Variants in PTPRG observed in about 807,000 individuals in gnomAD.
The protein encoded by PTPRG is protein tyrosine phosphatase receptor type G, also known as receptor-type tyrosine-protein phosphatase gamma.
PTPRG carries 102 observed loss-of-function variants against 165.3 expected under a neutral mutation model. The ratio of observed to expected loss-of-function variants is 0.62; its 90% CI spans 0.53 to 0.73. The LOEUF (loss-of-function observed/expected upper bound fraction) is 0.73, where lower values mean the gene tolerates loss of function less well. PTPRG is among the 30% of genes least tolerant of loss of function. The pLI is 0.00. For missense variants in PTPRG, 1,866 were observed against 1,861.4 expected (o/e 1.00, Z -0.05); for synonymous variants, 675 against 669.5 (o/e 1.01, Z -0.13).
At chr3:61,844,185 A>T (rs920409198) in intron 2 of PTPRG, among the ~76,000 whole-genome samples, 1 of 152,162 alleles carries the variant, frequency 6.6e-6, no homozygotes, top group African/African-American at 2.4e-5. Flanking sequence ...GCTGGCCTCG[A>T]ACTCCTGACC....
chr3:61,966,092 C>T (rs1371124695), intron 2 of PTPRG, among the ~76,000 whole-genome samples: 1 of 152,192 alleles, frequency 6.6e-6, no homozygotes, highest in East Asian at 1.9e-4. Context: ...GCTACTATAC[C>T]TCCGCCCTGA....
chr3:62,288,555 C>T (rs1702758103), intron 28 of PTPRG, among the ~76,000 whole-genome samples: 1 of 151,970 alleles, frequency 6.6e-6, no homozygotes. Context: ...CGCCAGTAAT[C>T]CCAGCTACTC....
chr3:61,673,790 G>A (rs1354230370), intron 1 of PTPRG, among the ~76,000 whole-genome samples: 1 of 152,146 alleles, frequency 6.6e-6, no homozygotes, highest in Non-Finnish European at 1.5e-5. Context: ...GGATTGGGAG[G>A]ATTGGAGTAA....
At chr3:62,097,194 C>T (rs1345627901) in intron 5 of PTPRG, among the ~76,000 whole-genome samples, 1 of 152,148 alleles carries the variant, frequency 6.6e-6, no homozygotes, top group Non-Finnish European at 1.5e-5. Context: ...GCTGTAAAAC[C>T]TAATGGTATA....
intron 5 of PTPRG, among the ~76,000 whole-genome samples, chr3:62,112,984 G>A (rs1702725148): frequency 1.3e-5 from 2 of 152,164 alleles, no homozygotes; most frequent in Non-Finnish European, 2.9e-5. Context: ...CTGAAGTCCT[G>A]TTGATTATAG....
chr3:61,760,075 T>A (rs2106961496), intron 2 of PTPRG, among the ~76,000 whole-genome samples: 1 of 152,354 alleles, frequency 6.6e-6, no homozygotes. Flanking sequence ...AGAAAAATTT[T>A]ATCTAAGCAG....
intron 1 of PTPRG, among the ~76,000 whole-genome samples, chr3:61,594,077 G>C (rs1700637270): frequency 6.6e-6 from 1 of 152,108 alleles, no homozygotes; most frequent in African/African-American, 2.4e-5. Flanking sequence ...ATAGAATTTT[G>C]AAAGCAGAAT....
intron 4 of PTPRG, among the ~76,000 whole-genome samples, chr3:62,029,879 C>G (rs1699706103): frequency 6.6e-6 from 1 of 152,190 alleles, no homozygotes; most frequent in Non-Finnish European, 1.5e-5. Flanking sequence ...CAGTGCATTT[C>G]ATATTGCCGG....
intron 2 of PTPRG, among the ~76,000 whole-genome samples, chr3:61,887,884 AACATT>A (rs1489377715): frequency 4.6e-5 from 7 of 152,356 alleles, no homozygotes; most frequent in African/African-American, 1.7e-4. Flanking sequence ...ATATTAGAGG[AACATT>A]ACTTAAAATC....
In PTPRG at chr3:61,945,996, C is replaced by G. The variant is rs62243243; in HGVS notation, c.191-43629C>G. 3.9e-3 allele frequency among the ~76,000 whole-genome samples: 461 copies of G among 118,030 alleles called. 1 individual carries two copies. The highest frequency in any genetic ancestry group is 0.015 in the East Asian group (52 of 3,462). The allele number at this position is 118,030 out of a possible 152,430, so 77.4% of individuals were successfully genotyped here. On this transcript the variant is annotated intron_variant, in intron 2 of 29. Transcript: ENST00000474889. ...AGCCAACTTTCTTGATTGATTGATTCATTCATTCATTTTTTTTCTTTACTA... is the reference window on the plus strand; with the variant it reads ...AGCCAACTTTCTTGATTGATTGATTGATTCATTCATTTTTTTTCTTTACTA...
chr3:61,577,942 C>T (rs1700203515), intron 1 of PTPRG, among the ~76,000 whole-genome samples: 1 of 152,218 alleles, frequency 6.6e-6, no homozygotes, highest in Admixed American at 6.5e-5. Flanking sequence ...CCTGTTTACC[C>T]ATCTGTGAAA....
chr3:61,822,248 A>T (rs1370583256), intron 2 of PTPRG, among the ~76,000 whole-genome samples: 6 of 152,288 alleles, frequency 3.9e-5, no homozygotes, highest in African/African-American at 1.4e-4. Flanking sequence ...TTCCACCCAC[A>T]TCCCCAAATA....
chr3:61,676,901 C>G (rs1703252484), intron 1 of PTPRG, among the ~76,000 whole-genome samples: 1 of 152,106 alleles, frequency 6.6e-6, no homozygotes, highest in South Asian at 2.1e-4. Context: ...GGAGTATTAT[C>G]TGTCCTGTGA....
At chr3:62,085,336 G>A (rs376566016) in intron 5 of PTPRG, among the ~76,000 whole-genome samples, 1 of 147,814 alleles carries the variant, frequency 6.8e-6, no homozygotes, top group Non-Finnish European at 1.5e-5. Context: ...TGAAGACTGT[G>A]TAACGATTCA....
chr3:62,261,810 G>A (rs1701707083), intron 16 of PTPRG: 1 of 151,902 alleles, frequency 6.6e-6, no homozygotes, highest in Admixed American at 6.6e-5. Flanking sequence ...GAATATAAAA[G>A]ACAACCAGTT....
At chr3:62,177,027 G>A (rs1452952547) in intron 8 of PTPRG, among the ~76,000 whole-genome samples, 1 of 152,108 alleles carries the variant, frequency 6.6e-6, no homozygotes, top group Non-Finnish European at 1.5e-5. Flanking sequence ...ACTTTGGGAG[G>A]CCAAGGTGGG....
At chr3:62,281,415 T>G (rs1455661146) in intron 26 of PTPRG, 148 bp from the exon 27 acceptor site, 1 of 628,400 alleles carries the variant, frequency 1.6e-6, no homozygotes, top group African/African-American at 1.9e-5. Context: ...TTCAACTTGG[T>G]GTAGTTCGAT....
At chr3:61,879,692 C>T (rs2037833738) in intron 2 of PTPRG, among the ~76,000 whole-genome samples, 1 of 152,116 alleles carries the variant, frequency 6.6e-6, no homozygotes, top group African/African-American at 2.4e-5. Flanking sequence ...TTAATTCTTC[C>T]TTTGCAATCT....
At chr3:62,156,119 C>T (rs570641004) in intron 6 of PTPRG, among the ~76,000 whole-genome samples, 6 of 152,378 alleles carry the variant, frequency 3.9e-5, no homozygotes, top group South Asian at 4.1e-4. Context: ...ATCTTCTCTA[C>T]GACACTATTC....
Sources: allele counts gnomAD v4.1 joint callset (sites outside exome capture counted in the v4.1 genomes callset), GRCh38; gene constraint gnomAD v4.1.1; transcripts MANE v1.5; gene names NCBI Gene and HGNC (gene_info 2026-07-23, HGNC 2026-07-21).